The following MAF variants were observed in gnomAD, a reference collection of about 807,000 sequenced individuals.
MAF encodes the protein transcription factor Maf.
MAF carries 10 observed loss-of-function variants against 22.0 expected under a neutral mutation model. The ratio of observed to expected loss-of-function variants is 0.45; its 90% CI spans 0.28 to 0.77. The LOEUF (loss-of-function observed/expected upper bound fraction) is 0.77, where lower values mean the gene tolerates loss of function less well. Ranked by LOEUF, MAF falls within the 30% of genes least tolerant of loss-of-function variation. The pLI, the probability that MAF is intolerant of heterozygous loss-of-function variation, is 0.12. For missense variants in MAF, 544 were observed against 548.4 expected (o/e 0.99, Z 0.08); for synonymous variants, 337 against 255.8 (o/e 1.32, Z -3.03).
the MAF span, among the ~76,000 whole-genome samples, chr16:79,248,532 G>T: frequency 1.3e-5 from 2 of 152,124 alleles, no homozygotes; most frequent in Non-Finnish European, 2.9e-5. Flanking sequence ...TTGTAACATG[G>T]GTTGGACTGA....
chr16:79,597,315 A>G (rs1567564516), intron 1 of MAF: 2 of 1,040,986 alleles, frequency 1.9e-6, no homozygotes, highest in Middle Eastern at 4.4e-4. Context: ...ATTATATACT[A>G]GAAACCCAGA....
chr16:79,372,969 TAG>T, the MAF span, among the ~76,000 whole-genome samples: 1 of 152,234 alleles, frequency 6.6e-6, no homozygotes, highest in Non-Finnish European at 1.5e-5. Context: ...AGATCTCTGC[TAG>T]AGAGTCCTTC....
At chr16:79,370,122 T>C in the MAF span, among the ~76,000 whole-genome samples, 1 of 152,302 alleles carries the variant, frequency 6.6e-6, no homozygotes, top group South Asian at 2.1e-4. Context: ...AAAAGTCTCC[T>C]TCCCCAGGAG....
chr16:79,515,115 G>A, the MAF span, among the ~76,000 whole-genome samples: 1 of 152,222 alleles, frequency 6.6e-6, no homozygotes, highest in African/African-American at 2.4e-5. Flanking sequence ...GATCAAATGA[G>A]ATGACACAGG....
the MAF span, among the ~76,000 whole-genome samples, chr16:79,480,354 C>A: frequency 1.3e-5 from 2 of 151,578 alleles, no homozygotes; most frequent in Non-Finnish European, 2.9e-5. Flanking sequence ...TTGCAAAATA[C>A]ATTTTTAATT....
the MAF span, among the ~76,000 whole-genome samples, chr16:79,251,897 ATG>A: frequency 3.0e-3 from 451 of 152,198 alleles, 7 homozygotes; most frequent in Admixed American, 0.023. Context: ...ACTTCTGTGT[ATG>A]TGTGTGTGTG....
chr16:79,401,359 C>A, the MAF span, among the ~76,000 whole-genome samples: 15 of 152,286 alleles, frequency 9.8e-5, no homozygotes, highest in East Asian at 2.3e-3. Context: ...CTCTCCTAGA[C>A]CCCATGAACG....
At chr16:79,384,577 G>A in the MAF span, among the ~76,000 whole-genome samples, 7 of 152,078 alleles carry the variant, frequency 4.6e-5, no homozygotes, top group African/African-American at 9.6e-5. Flanking sequence ...CTAACACGGT[G>A]AAACCCTGTC....
At chr16:79,526,288 G>C in the MAF span, among the ~76,000 whole-genome samples, 4 of 152,138 alleles carry the variant, frequency 2.6e-5, no homozygotes, top group African/African-American at 9.7e-5. Flanking sequence ...GCATTAGTTA[G>C]ATTCTCATAA....
chr16:79,452,002 T>TG, the MAF span, among the ~76,000 whole-genome samples: 126,026 of 152,116 alleles, frequency 0.83, 52,511 homozygotes, highest in East Asian at 0.98. Flanking sequence ...AAGGTTGACC[T>TG]GGGGCCAAAT....
At chr16:79,215,557 G>A in the MAF span, among the ~76,000 whole-genome samples, 1 of 152,182 alleles carries the variant, frequency 6.6e-6, no homozygotes, top group African/African-American at 2.4e-5. Flanking sequence ...TCCTGGCCGT[G>A]TCTAGGGCCT....
chr16:79,405,510 A>C, the MAF span, among the ~76,000 whole-genome samples: 1 of 152,214 alleles, frequency 6.6e-6, no homozygotes, highest in Non-Finnish European at 1.5e-5. Flanking sequence ...GGGGCATAGA[A>C]GTCACTTCTT....
At chr16:79,436,919 T>G in the MAF span, among the ~76,000 whole-genome samples, 1 of 152,180 alleles carries the variant, frequency 6.6e-6, no homozygotes, top group Non-Finnish European at 1.5e-5. Context: ...GGGCAAAGTC[T>G]CCCAAGGTGC....
At chr16:79,594,845 G>C in intron 1 of MAF, 7 of 1,228,358 alleles carry the variant, frequency 5.7e-6, no homozygotes, top group South Asian at 2.1e-5. Context: ...ATTTTTGCCA[G>C]CACCTTTGCA....
the MAF span, among the ~76,000 whole-genome samples, chr16:79,213,101 T>C: frequency 3.1e-3 from 466 of 152,326 alleles, 5 homozygotes; most frequent in Admixed American, 0.024. Context: ...TCCCATCTCA[T>C]GGACACCATG....
At chr16:79,566,904 A>G in the MAF span, among the ~76,000 whole-genome samples, 1 of 152,206 alleles carries the variant, frequency 6.6e-6, no homozygotes, top group Non-Finnish European at 1.5e-5. Flanking sequence ...CTCTTTCCAG[A>G]AAAATGGACT....
the MAF span, among the ~76,000 whole-genome samples, chr16:79,214,810 A>C: frequency 7.0e-6 from 1 of 141,884 alleles, no homozygotes; most frequent in Non-Finnish European, 1.5e-5. Flanking sequence ...TCCCCGGTTC[A>C]AGCGATTCTC....
the MAF span, among the ~76,000 whole-genome samples, chr16:79,207,216 T>G: frequency 1.0e-3 from 155 of 152,354 alleles, 1 homozygote; most frequent in African/African-American, 3.6e-3. Flanking sequence ...TTCCTAGTGG[T>G]GTATTCACAG....
At chr16:79,415,660 GCTCT>G in the MAF span, among the ~76,000 whole-genome samples, 15 of 151,810 alleles carry the variant, frequency 9.9e-5, no homozygotes, top group African/African-American at 3.4e-4. Flanking sequence ...TGACAGCTCT[GCTCT>G]CTCTCTAGGC....
Sources: allele counts gnomAD v4.1 joint callset (sites outside exome capture counted in the v4.1 genomes callset), GRCh38; gene constraint gnomAD v4.1.1; transcripts MANE v1.5; gene names NCBI Gene and HGNC (gene_info 2026-07-23, HGNC 2026-07-21).